Variants in GPC5 observed in about 807,000 individuals in gnomAD.
GPC5 encodes the protein glypican 5, also known as glypican-5.
In GPC5, 47 loss-of-function variants were observed where a neutral mutation model predicts 53.9. That is an observed-to-expected ratio of 0.87 (90% confidence interval 0.69 to 1.11). The LOEUF (loss-of-function observed/expected upper bound fraction) is 1.11. Ranked by LOEUF, GPC5 falls within the 50% of genes most tolerant of loss-of-function variation. GPC5 has a pLI of 0.00. For synonymous variants in GPC5, 286 were observed against 263.3 expected (o/e 1.09, Z -0.84); for missense variants, 748 against 713.1 (o/e 1.05, Z -0.56).
chr13:92,571,667 A>G (rs1183090038), intron 7 of GPC5, among the ~76,000 whole-genome samples: 1 of 152,156 alleles, frequency 6.6e-6, no homozygotes, highest in Non-Finnish European at 1.5e-5. Context: ...CAATAACTAG[A>G]TTAATCCAAT....
intron 7 of GPC5, among the ~76,000 whole-genome samples, chr13:92,522,014 G>T (rs1814350104): frequency 6.6e-6 from 1 of 152,086 alleles, no homozygotes; most frequent in Non-Finnish European, 1.5e-5. Context: ...GTGGCCAACA[G>T]ACACATGAAA....
At chr13:91,533,837 C>T (rs546323442) in intron 2 of GPC5, among the ~76,000 whole-genome samples, 6 of 152,254 alleles carry the variant, frequency 3.9e-5, no homozygotes, top group African/African-American at 1.4e-4. Context: ...GAGCCATCTA[C>T]AACATACTCC....
At chr13:91,412,603 GA>G (rs756830099) in intron 1 of GPC5, among the ~76,000 whole-genome samples, 45 of 152,294 alleles carry the variant, frequency 3.0e-4, no homozygotes, top group Non-Finnish European at 5.1e-4. Context: ...TAATGTAAAT[GA>G]CTACTGTGGA....
At chr13:91,491,559 G>A (rs520113) in intron 2 of GPC5, among the ~76,000 whole-genome samples, 290 of 151,982 alleles carry the variant, frequency 1.9e-3, no homozygotes, top group East Asian at 4.4e-3. Flanking sequence ...ATCACATACC[G>A]AATAGCTTAA....
At chr13:91,425,805 T>C (rs916951822) in intron 1 of GPC5, among the ~76,000 whole-genome samples, 1 of 151,882 alleles carries the variant, frequency 6.6e-6, no homozygotes, top group African/African-American at 2.4e-5. Flanking sequence ...GTTGGAACAG[T>C]TTGGAGGGCT....
At chr13:92,591,567 T>C (rs1364840846) in intron 7 of GPC5, among the ~76,000 whole-genome samples, 1 of 152,192 alleles carries the variant, frequency 6.6e-6, no homozygotes, top group Non-Finnish European at 1.5e-5. Context: ...AATACATTGA[T>C]TACCACACAT....
chr13:91,861,058 A>G (rs1306269890), intron 5 of GPC5, among the ~76,000 whole-genome samples: 1 of 152,174 alleles, frequency 6.6e-6, no homozygotes, highest in African/African-American at 2.4e-5. Context: ...TTCGAATTAA[A>G]TTTTATTGTG....
intron 2 of GPC5, among the ~76,000 whole-genome samples, chr13:91,623,273 G>T (rs1397967752): frequency 6.6e-6 from 1 of 152,172 alleles, no homozygotes; most frequent in Non-Finnish European, 1.5e-5. Flanking sequence ...GTTGTGTAGT[G>T]AGTTCAAGGA....
intron 7 of GPC5, among the ~76,000 whole-genome samples, chr13:92,441,922 A>AAT (rs1877587673): frequency 1.3e-5 from 2 of 152,156 alleles, no homozygotes; most frequent in African/African-American, 4.8e-5. Flanking sequence ...AGGCATCACA[A>AAT]ATATATGTTA....
intron 6 of GPC5, among the ~76,000 whole-genome samples, chr13:91,909,219 C>T (rs928984101): frequency 6.6e-6 from 1 of 152,186 alleles, no homozygotes; most frequent in African/African-American, 2.4e-5. Flanking sequence ...TCATGACTAC[C>T]GATGAGTTAA....
chr13:92,324,736 C>T (rs1270355317), intron 7 of GPC5, among the ~76,000 whole-genome samples: 3 of 151,870 alleles, frequency 2.0e-5, no homozygotes, highest in East Asian at 1.9e-4. Flanking sequence ...TACTATATAT[C>T]ATTCTACTTA....
At chr13:91,725,964 C>T (rs1443386099) in intron 3 of GPC5, among the ~76,000 whole-genome samples, 4 of 152,130 alleles carry the variant, frequency 2.6e-5, no homozygotes. Context: ...TCAAACTGTT[C>T]TGTGGTGTGG....
In GPC5 at chr13:92,045,389, A is replaced by G. The variant is rs79003210; in HGVS notation, c.1402-99441A>G. ...GTCAGACTCATTATATCACTATCAC[A>G]TCACTCCTACCAAGGAAGAAGCTAA... On this transcript the variant is annotated intron_variant, in intron 6 of 7. Coordinates refer to ENST00000377067, the MANE Select transcript of GPC5 (RefSeq NM_004466.6). Among the ~76,000 whole-genome samples, 691 of 152,320 alleles carry G rather than the reference A, an allele frequency of 4.5e-3. 9 individuals carry two copies. Among genetic ancestry groups the G allele is most frequent in the African/African-American group, 0.016 (658 of 41,568 alleles).
chr13:92,015,397 T>C (rs1404192190), intron 6 of GPC5, among the ~76,000 whole-genome samples: 2 of 152,204 alleles, frequency 1.3e-5, no homozygotes, highest in Non-Finnish European at 2.9e-5. Context: ...TTTTACTCAC[T>C]AAATATATTT....
intron 7 of GPC5, among the ~76,000 whole-genome samples, chr13:92,508,051 C>G (rs904114202): frequency 7.2e-5 from 11 of 152,074 alleles, no homozygotes; most frequent in Admixed American, 3.3e-4. Flanking sequence ...GCAATCTCCG[C>G]CTCCCAGGTT....
At chr13:92,041,988 T>C (rs1346857476) in intron 6 of GPC5, among the ~76,000 whole-genome samples, 2 of 152,152 alleles carry the variant, frequency 1.3e-5, no homozygotes, top group Non-Finnish European at 2.9e-5. Context: ...AGGGCGTCTC[T>C]ACAGAGGCAC....
intron 6 of GPC5, among the ~76,000 whole-genome samples, chr13:91,958,126 C>T (rs1261180197): frequency 6.6e-6 from 1 of 150,848 alleles, no homozygotes; most frequent in Non-Finnish European, 1.5e-5. Context: ...CCATATACTG[C>T]CTACAAGAAA....
At chr13:91,493,827 A>C (rs1884075452) in intron 2 of GPC5, among the ~76,000 whole-genome samples, 1 of 151,894 alleles carries the variant, frequency 6.6e-6, no homozygotes, top group South Asian at 2.1e-4. Context: ...TCTGCAAACG[A>C]TTCTACCCTC....
intron 7 of GPC5, among the ~76,000 whole-genome samples, chr13:92,613,396 T>TATATATTATATATAA (rs1566320365): frequency 1.8e-4 from 13 of 70,624 alleles, no homozygotes; most frequent in African/African-American, 6.6e-4. Context: ...TATATATAAA[T>TATATATTATATATAA]ATATATTATA....
Sources: gnomAD v4.1 joint callset for allele counts (sites outside exome capture counted in the v4.1 genomes callset) on GRCh38, gnomAD v4.1.1 for gene constraint, MANE v1.5 for transcripts, NCBI Gene and HGNC (gene_info 2026-07-23, HGNC 2026-07-21) for gene names.